Variants in CCNT2 observed in about 807,000 individuals in gnomAD.
CCNT2 encodes cyclin T2.
In CCNT2, 18 loss-of-function variants were observed where a neutral mutation model predicts 70.0. The observed-to-expected ratio is 0.26, with a 90% confidence interval of 0.18 to 0.38. The LOEUF (loss-of-function observed/expected upper bound fraction) is 0.38. CCNT2 is among the 10% of genes least tolerant of loss of function. CCNT2 has a pLI of 1.00. For missense variants in CCNT2, 734 were observed against 890.2 expected, an observed-to-expected ratio of 0.82 and a Z score of 2.23; for synonymous variants, 334 against 313.3, an observed-to-expected ratio of 1.07 and a Z score of -0.70.
intron 4 of CCNT2, among the ~76,000 whole-genome samples, chr2:134,941,880 C>T (rs1380607957): frequency 6.6e-6 from 1 of 152,060 alleles, no homozygotes; most frequent in African/African-American, 2.4e-5. Flanking sequence ...TACAGTAGAA[C>T]TATATATAGA....
At chr2:134,939,600 G>A (rs371788292) in intron 4 of CCNT2, among the ~76,000 whole-genome samples, 1 of 152,058 alleles carries the variant, frequency 6.6e-6, no homozygotes, top group Non-Finnish European at 1.5e-5. Flanking sequence ...CGAGTAGCTG[G>A]GACTACAGGT....
intron 2 of CCNT2, among the ~76,000 whole-genome samples, chr2:134,923,834 C>T (rs1458710615): frequency 2.6e-5 from 4 of 152,194 alleles, no homozygotes; most frequent in Non-Finnish European, 5.9e-5. Flanking sequence ...CTGTAGTTCT[C>T]ACTTTTTCCT....
intron 6 of CCNT2, 148 bp from the exon 7 acceptor site, chr2:134,947,586 CTT>C (rs1682090358): frequency 6.7e-6 from 3 of 447,210 alleles, no homozygotes; most frequent in Admixed American, 4.4e-5. Flanking sequence ...AATTTTATAA[CTT>C]AGCTTTTAAT....
intron 2 of CCNT2, among the ~76,000 whole-genome samples, chr2:134,932,304 A>T (rs992543164): frequency 6.6e-6 from 1 of 151,992 alleles, no homozygotes; most frequent in African/African-American, 2.4e-5. Flanking sequence ...CTCGGCTGAT[A>T]TTTTTTCTTT....
At chr2:134,949,476 C>T (rs1682270835) in intron 7 of CCNT2, among the ~76,000 whole-genome samples, 1 of 152,124 alleles carries the variant, frequency 6.6e-6, no homozygotes, top group Non-Finnish European at 1.5e-5. Flanking sequence ...CCATATTTGG[C>T]CAATTATCCA....
At chr2:134,951,006 T>TC (rs1682459299) in intron 7 of CCNT2, among the ~76,000 whole-genome samples, 1 of 152,180 alleles carries the variant, frequency 6.6e-6, no homozygotes, top group African/African-American at 2.4e-5. Flanking sequence ...AACAGTTTTG[T>TC]TAATGTTGGA....
chr2:134,941,399 A>G (rs1440834770), intron 4 of CCNT2, among the ~76,000 whole-genome samples: 1 of 152,224 alleles, frequency 6.6e-6, no homozygotes, highest in Non-Finnish European at 1.5e-5. Flanking sequence ...TATATGATAC[A>G]TATACAAAAT....
intron 2 of CCNT2, 79 bp downstream of exon 2, chr2:134,919,970 T>C (rs1323890133): frequency 1.1e-6 from 1 of 925,288 alleles, no homozygotes; most frequent in Non-Finnish European, 1.8e-6. Flanking sequence ...GGTCATTGCG[T>C]TGTTGGATTT....
At position 134,919,982 on chromosome 2, in the gene CCNT2, G is replaced by A. The variant is rs373216374; in HGVS notation, c.240+91G>A. The A allele has an allele frequency of 2.5e-4, 212 of 831,738 alleles. No individual in the cohort carries two copies. In the African/African-American group the frequency reaches 3.3e-3, roughly 13 times the overall value. The allele number at this position is 831,738 out of a possible 1,614,324, so 51.5% of individuals were successfully genotyped here. On this transcript the variant is annotated intron_variant, in intron 2 of 8. Transcript: ENST00000264157. Reference sequence around the variant, plus strand: ...GTTGGTCATTGCGTTGTTGGATTTAGTGTTCTGAATTAACGGTAAACGTAT... The same window carrying A: ...GTTGGTCATTGCGTTGTTGGATTTAATGTTCTGAATTAACGGTAAACGTAT...
chr2:134,937,296 G>C (rs1193138548), intron 3 of CCNT2, among the ~76,000 whole-genome samples: 1 of 152,158 alleles, frequency 6.6e-6, no homozygotes, highest in East Asian at 1.9e-4. Context: ...CTGTATTTGA[G>C]ACCAGAATAT....
At chr2:134,939,762 G>A (rs879118536) in intron 4 of CCNT2, among the ~76,000 whole-genome samples, 8 of 152,110 alleles carry the variant, frequency 5.3e-5, no homozygotes, top group Admixed American at 1.3e-4. Flanking sequence ...CACCACGCCC[G>A]GCCTATCATA....
chr2:134,928,219 C>A (rs1680438866), intron 2 of CCNT2, among the ~76,000 whole-genome samples: 1 of 151,422 alleles, frequency 6.6e-6, no homozygotes, highest in African/African-American at 2.4e-5. Flanking sequence ...GCATTGGCCT[C>A]CCACAGTGCT....
intron 2 of CCNT2, among the ~76,000 whole-genome samples, chr2:134,921,601 G>T (rs1327390564): frequency 6.6e-6 from 1 of 152,114 alleles, no homozygotes; most frequent in Non-Finnish European, 1.5e-5. Context: ...TGATCCGTCC[G>T]CCTCGGCCTC....
At chr2:134,945,032 C>T (rs1313905600) in intron 5 of CCNT2, 1 of 985,230 alleles carries the variant, frequency 1.0e-6, no homozygotes, top group Non-Finnish European at 1.2e-6. Context: ...TGTCATTTTA[C>T]AGGGACCTTC....
chr2:134,944,180 A>G (rs1681782708), intron 5 of CCNT2: 3 of 983,254 alleles, frequency 3.1e-6, no homozygotes, highest in East Asian at 1.1e-4. Flanking sequence ...TTTCATCTGA[A>G]TATTACAGTA....
chr2:134,941,777 T>G (rs1250452597), intron 4 of CCNT2, among the ~76,000 whole-genome samples: 1 of 152,214 alleles, frequency 6.6e-6, no homozygotes, highest in Non-Finnish European at 1.5e-5. Context: ...TGACATATTC[T>G]TAAGCACAGA....
chr2:134,952,604 G>A (rs1304288315), intron 7 of CCNT2, 37 bp from the exon 8 acceptor site: 4 of 1,278,164 alleles, frequency 3.1e-6, no homozygotes, highest in Admixed American at 2.1e-5. Context: ...AATCCTAAAG[G>A]CACCTTCTAA....
At chr2:134,919,446 C>G (rs1184080754) in intron 1 of CCNT2, among the ~76,000 whole-genome samples, 1 of 152,096 alleles carries the variant, frequency 6.6e-6, no homozygotes, top group African/African-American at 2.4e-5. Flanking sequence ...GATGGCGGCT[C>G]TCTTCTACCT....
chr2:134,951,031 AAT>A (rs1272867248), intron 7 of CCNT2, among the ~76,000 whole-genome samples: 2 of 152,152 alleles, frequency 1.3e-5, no homozygotes, highest in African/African-American at 4.8e-5. Flanking sequence ...AAAGTAGAAA[AAT>A]AGTCTTTTTT....
Sources: allele counts gnomAD v4.1 joint callset (sites outside exome capture counted in the v4.1 genomes callset), GRCh38; gene constraint gnomAD v4.1.1; transcripts MANE v1.5; gene names NCBI Gene and HGNC (gene_info 2026-07-23, HGNC 2026-07-21).